Variants in CERK observed in about 807,000 individuals in gnomAD.
CERK encodes the protein acylsphingosine kinase.
In CERK, 39 loss-of-function variants were observed where a neutral mutation model predicts 63.4. The ratio of observed to expected loss-of-function variants is 0.61; its 90% CI spans 0.48 to 0.80. The LOEUF (loss-of-function observed/expected upper bound fraction) is 0.80, where lower values mean the gene tolerates loss of function less well. Ranked by LOEUF, CERK falls within the 30% of genes least tolerant of loss-of-function variation. The pLI is 0.00. For missense variants in CERK, 670 were observed against 714.1 expected (o/e 0.94, Z 0.70); for synonymous variants, 302 against 280.0 (o/e 1.08, Z -0.78).
chr22:46,718,572 G>A (rs2082877203), intron 3 of CERK, among the ~76,000 whole-genome samples: 1 of 152,186 alleles, frequency 6.6e-6, no homozygotes, highest in South Asian at 2.1e-4. Flanking sequence ...AAGTATGGAA[G>A]CACAGGCCCT....
intron 8 of CERK, among the ~76,000 whole-genome samples, chr22:46,695,712 C>T (rs935445704): frequency 2.6e-5 from 4 of 152,252 alleles, no homozygotes; most frequent in African/African-American, 9.6e-5. Flanking sequence ...CCCCCACCTG[C>T]CTCAGGGCTT....
intron 7 of CERK, among the ~76,000 whole-genome samples, 158 bp from the exon 8 acceptor site, chr22:46,699,623 G>C (rs2082773738): frequency 6.6e-6 from 1 of 152,220 alleles, no homozygotes; most frequent in African/African-American, 2.4e-5. Context: ...CTCTTGGGGT[G>C]TTGGATGCCA....
At chr22:46,732,641 C>T (rs552062313) in intron 1 of CERK, among the ~76,000 whole-genome samples, 79 of 151,348 alleles carry the variant, frequency 5.2e-4, no homozygotes, top group Middle Eastern at 3.4e-3. Flanking sequence ...TCCAAAAACA[C>T]CCTAGCAGTT....
intron 6 of CERK, 108 bp downstream of exon 6, chr22:46,707,735 C>T (rs1407594572): frequency 1.6e-6 from 2 of 1,289,546 alleles, no homozygotes; most frequent in African/African-American, 1.5e-5. Context: ...TCTGTACGAA[C>T]TAAACTGAGT....
chr22:46,706,669 G>A (rs1230675150), intron 6 of CERK, among the ~76,000 whole-genome samples: 1 of 152,106 alleles, frequency 6.6e-6, no homozygotes, highest in East Asian at 1.9e-4. Flanking sequence ...AAAGGGAAGG[G>A]ATCGTAACCA....
chr22:46,716,006 C>CA (rs987782518), intron 3 of CERK, among the ~76,000 whole-genome samples: 2 of 151,926 alleles, frequency 1.3e-5, no homozygotes, highest in Non-Finnish European at 1.5e-5. Flanking sequence ...GGCAACACAG[C>CA]AAGACCCCAG....
rs577845112 is a variant in CERK, at chr22:46,736,450, G to A, written c.142+1557C>T. ...AGATCGGCCCCTGCATCCCTAGGAC[G>A]GGAGCAGCTGCCTCTCAGGAACCCA... On this transcript the variant is annotated intron_variant, in intron 1 of 12. Coordinates refer to ENST00000216264, the MANE Select transcript of CERK (RefSeq NM_022766.6). Among the ~76,000 whole-genome samples the A allele has an allele frequency of 1.6e-3, 243 of 151,558 alleles. 1 individual carries two copies. Among genetic ancestry groups the A allele is most frequent in the African/African-American group, 5.4e-3 (226 of 41,496 alleles).
At chr22:46,725,155 A>G (rs771547150) in intron 1 of CERK, among the ~76,000 whole-genome samples, 1 of 152,226 alleles carries the variant, frequency 6.6e-6, no homozygotes, top group African/African-American at 2.4e-5. Flanking sequence ...CCAGCCTAGC[A>G]GCACTTACCC....
Position 46,738,003 on chromosome 22 carries a change from T to C in CERK, c.142+4A>G. The C allele has an allele frequency of 1.7e-6, 2 of 1,168,346 alleles. No homozygotes were observed. The highest frequency in any genetic ancestry group is 1.1e-6 in the Non-Finnish European group (1 of 950,592). 72.4% of individuals were successfully genotyped at this position (1,168,346 alleles called of 1,614,324 possible). A position where few individuals can be genotyped will look rare whatever the true frequency, so the allele number is the denominator to read the frequency against. ...GGCCGAACCCGGGCGGCGGCGACAC[T>C]CACCCGCGCCGGGGGCGCCGGCTCC... On this transcript the variant is annotated splice_donor_region_variant and intron_variant, in intron 1 of 12. Transcript: ENST00000216264.
At chr22:46,713,362 A>C (rs1456052057) in intron 3 of CERK, among the ~76,000 whole-genome samples, 2 of 151,658 alleles carry the variant, frequency 1.3e-5, no homozygotes, top group African/African-American at 2.4e-5. Flanking sequence ...CAAAAAAATT[A>C]GCCGGGCGTG....
chr22:46,728,331 C>G (rs915708270), intron 1 of CERK, among the ~76,000 whole-genome samples: 1 of 152,096 alleles, frequency 6.6e-6, no homozygotes, highest in Non-Finnish European at 1.5e-5. Flanking sequence ...CTCTTCCCCC[C>G]GTGCACCCTG....
intron 1 of CERK, among the ~76,000 whole-genome samples, chr22:46,732,172 G>T (rs1352432576): frequency 6.6e-6 from 1 of 152,178 alleles, no homozygotes; most frequent in African/African-American, 2.4e-5. Context: ...CCCAGCAGGC[G>T]GTGAGGGTGG....
At position 46,708,969 on chromosome 22, in the gene CERK, C is replaced by T. The variant is rs553356003; in HGVS notation, c.570-981G>A. 1.1e-4 allele frequency among the ~76,000 whole-genome samples: 17 copies of T among 152,272 alleles called. No homozygotes were observed. The South Asian group carries it at 2.7e-3, about 24-fold the overall frequency. On this transcript the variant is annotated intron_variant, in intron 5 of 12. Coordinates refer to ENST00000216264, the MANE Select transcript of CERK (RefSeq NM_022766.6). ...TCCCCAGTGGGTCTGTCTGTGCAGG[C>T]GCGACCAGTCTCCAGGGCTGGGATC...
At chr22:46,736,212 C>T (rs187042116) in intron 1 of CERK, among the ~76,000 whole-genome samples, 19 of 152,380 alleles carry the variant, frequency 1.2e-4, no homozygotes, top group East Asian at 3.9e-4. Context: ...CAAAAGCAGA[C>T]GCCACACCAC....
intron 1 of CERK, among the ~76,000 whole-genome samples, chr22:46,724,687 AAAAATGTCCGAT>A (rs2082908888): frequency 6.6e-6 from 1 of 152,202 alleles, no homozygotes; most frequent in Admixed American, 6.5e-5. Flanking sequence ...TTTCAAGCAC[AAAAATGTCCGAT>A]AAATGATGGC....
intron 8 of CERK, among the ~76,000 whole-genome samples, chr22:46,697,053 C>A (rs192033013): frequency 3.7e-4 from 56 of 152,306 alleles, no homozygotes; most frequent in Non-Finnish European, 7.6e-4. Context: ...TAGATAAATA[C>A]CTCACTTTGC....
chr22:46,717,098 G>A (rs1048697800), intron 3 of CERK, among the ~76,000 whole-genome samples: 2 of 152,128 alleles, frequency 1.3e-5, no homozygotes, highest in African/African-American at 2.4e-5. Context: ...TAACCATTAG[G>A]GAGTGCAAAC....
chr22:46,699,584 A>T, intron 7 of CERK, 119 bp from the exon 8 acceptor site: 1 of 879,556 alleles, frequency 1.1e-6, no homozygotes, highest in South Asian at 1.6e-5. Context: ...TGTGAAACAA[A>T]CAGAACGCAT....
At chr22:46,694,829 G>A (rs184305000) in intron 9 of CERK, among the ~76,000 whole-genome samples, 51 of 152,300 alleles carry the variant, frequency 3.3e-4, no homozygotes, top group African/African-American at 1.1e-3. Flanking sequence ...CCCTGCACAC[G>A]CACAGTCACT....
Sources: gnomAD v4.1 joint callset for allele counts (sites outside exome capture counted in the v4.1 genomes callset) on GRCh38, gnomAD v4.1.1 for gene constraint, MANE v1.5 for transcripts, NCBI Gene and HGNC (gene_info 2026-07-23, HGNC 2026-07-21) for gene names.